The following CRISPLD2 variants were observed in gnomAD, a reference collection of about 807,000 sequenced individuals.
CRISPLD2 encodes the protein cysteine-rich secretory protein LCCL domain-containing 2.
In CRISPLD2, 47 loss-of-function variants were observed where a neutral mutation model predicts 71.1. That is an observed-to-expected ratio of 0.66 (90% CI 0.52 to 0.84). CRISPLD2 has a LOEUF of 0.84. Among genes scored for constraint, CRISPLD2 ranks in the 40% least tolerant of loss-of-function variants. CRISPLD2 has a pLI of 0.00. For missense variants in CRISPLD2, 830 were observed against 651.1 expected, an observed-to-expected ratio of 1.27 and a Z score of -2.99; for synonymous variants, 317 against 250.1, an observed-to-expected ratio of 1.27 and a Z score of -2.52.
At chr16:84,886,396 G>A (rs1195749866) in intron 13 of CRISPLD2, among the ~76,000 whole-genome samples, 4 of 152,194 alleles carry the variant, frequency 2.6e-5, no homozygotes, top group Admixed American at 6.5e-5. Flanking sequence ...TGGTAAGGAC[G>A]GGACAAAGGA....
At chr16:84,825,809 GA>G (rs1485348265) in intron 1 of CRISPLD2, among the ~76,000 whole-genome samples, 5 of 151,486 alleles carry the variant, frequency 3.3e-5, no homozygotes, top group African/African-American at 7.3e-5. Flanking sequence ...AATAAAAGAA[GA>G]AAAAAAATTA....
Position 84,850,653 on chromosome 16 carries a change from C to G in CRISPLD2, c.578C>G (p.Ala193Gly). 4 of 1,614,040 alleles carry G rather than the reference C, an allele frequency of 2.5e-6. No homozygotes were observed. Among genetic ancestry groups the G allele is most frequent in the Non-Finnish European group, 3.4e-6 (4 of 1,179,944 alleles). ...MTVWGEVWEN[A>G]VYFVCNYSPK... is the part of the protein sequence containing the mutation. ...GTCTGGGGAGAAGTTTGGGAGAACG[C>G]GGTCTACTTTGTCTGCAATTATTCT... The change falls in exon 5 of 15, where the codon GCG becomes GGG. Residue 193 changes from alanine to glycine, a missense_variant. Transcript: ENST00000262424.
chr16:84,865,127 G>A (rs908561732), intron 6 of CRISPLD2, among the ~76,000 whole-genome samples: 7 of 152,096 alleles, frequency 4.6e-5, no homozygotes, highest in Non-Finnish European at 8.8e-5. Context: ...CTAAGACTTA[G>A]GGATTGAGGA....
At chr16:84,842,935 C>T (rs549900160) in intron 2 of CRISPLD2, among the ~76,000 whole-genome samples, 3 of 152,158 alleles carry the variant, frequency 2.0e-5, no homozygotes, top group Admixed American at 6.5e-5. Flanking sequence ...TCCCGCCTCC[C>T]GGTCTGGAGC....
At chr16:84,893,843 G>A (rs1402874104) in intron 14 of CRISPLD2, among the ~76,000 whole-genome samples, 1 of 152,148 alleles carries the variant, frequency 6.6e-6, no homozygotes, top group African/African-American at 2.4e-5. Flanking sequence ...TCCCAATAGG[G>A]GCTGTGGAAA....
At chr16:84,873,144 C>G in intron 10 of CRISPLD2, 22 bp downstream of exon 10, 1 of 1,601,828 alleles carries the variant, frequency 6.2e-7, no homozygotes, top group Non-Finnish European at 8.5e-7. Flanking sequence ...GTGATCGGGG[C>G]TCTGTGAAAC....
chr16:84,872,902 G>A (rs531310661), intron 9 of CRISPLD2, 90 bp from the exon 10 acceptor site: 3 of 1,482,466 alleles, frequency 2.0e-6, no homozygotes, highest in Non-Finnish European at 2.7e-6. Context: ...GGCTTTTAGT[G>A]AGTTGAGGAC....
intron 6 of CRISPLD2, among the ~76,000 whole-genome samples, chr16:84,857,265 G>A (rs1054351266): frequency 2.0e-5 from 3 of 152,218 alleles, no homozygotes; most frequent in African/African-American, 7.2e-5. Context: ...AGAGGTGACT[G>A]AGGAAAGAGA....
intron 11 of CRISPLD2, among the ~76,000 whole-genome samples, 199 bp from the exon 12 acceptor site, chr16:84,877,239 T>C (rs901635542): frequency 2.0e-5 from 3 of 151,928 alleles, no homozygotes; most frequent in African/African-American, 7.3e-5. Context: ...CGCCAACACA[T>C]GCAGGCCGTG....
intron 9 of CRISPLD2, 62 bp downstream of exon 9, chr16:84,872,570 C>G: frequency 2.8e-6 from 4 of 1,415,464 alleles, no homozygotes; most frequent in Non-Finnish European, 3.9e-6. Context: ...ATGTTTAAAG[C>G]AGGTGGTTGG....
rs138518275 is a variant in CRISPLD2, at chr16:84,849,391, C to T, written c.366C>T (p.Arg122=). The T allele has an allele frequency of 1.1e-3, 1,770 of 1,613,082 alleles. 3 individuals carry two copies. Among genetic ancestry groups the T allele is most frequent in the Middle Eastern group, 1.3e-3 (8 of 5,958 alleles). The change falls in exon 4 of 15, where the codon CGC becomes CGT. Residue 122 remains arginine, a synonymous_variant. Coordinates refer to ENST00000262424, the MANE Select transcript of CRISPLD2 (RefSeq NM_031476.4). ...AGCGGTTTCTGCCCTGCAGGTATCG[C>T]TCTCCGGGGTTCCATGTGCAGTCCT... The part of the protein sequence containing the change: ...QNLGAHWGRY[R]SPGFHVQSWY...
In CRISPLD2 at chr16:84,850,702, G is replaced by T. The variant is rs574704065; in HGVS notation, c.608+19G>T. The T allele has an allele frequency of 5.7e-6, 9 of 1,585,252 alleles. No homozygotes were observed. The highest frequency in any genetic ancestry group is 7.8e-6 in the Non-Finnish European group (9 of 1,153,770). ...CTCCAAAGTAAGACAAGTTGATGCC[G>T]TTGTATGGGGTGGGGGTTGGGATGT... On this transcript the variant is annotated intron_variant, in intron 5 of 14. Coordinates refer to ENST00000262424, the MANE Select transcript of CRISPLD2 (RefSeq NM_031476.4).
chr16:84,884,878 G>C (rs1037857123), intron 13 of CRISPLD2, among the ~76,000 whole-genome samples: 4 of 152,242 alleles, frequency 2.6e-5, no homozygotes, highest in Admixed American at 2.0e-4. Context: ...TCAACCAGGA[G>C]GGTGCCCCTC....
intron 1 of CRISPLD2, among the ~76,000 whole-genome samples, chr16:84,822,267 C>A (rs967113368): frequency 6.6e-6 from 1 of 152,210 alleles, no homozygotes; most frequent in African/African-American, 2.4e-5. Flanking sequence ...ACTGGGAAGG[C>A]CTGAGCTAGG....
intron 12 of CRISPLD2, among the ~76,000 whole-genome samples, chr16:84,880,164 G>C (rs1470311460): frequency 6.6e-6 from 1 of 152,214 alleles, no homozygotes; most frequent in African/African-American, 2.4e-5. Context: ...TGTACCCACA[G>C]TGTGAACTAG....
chr16:84,891,421 C>T (rs1436571335), intron 14 of CRISPLD2, among the ~76,000 whole-genome samples: 3 of 152,148 alleles, frequency 2.0e-5, no homozygotes, highest in Non-Finnish European at 4.4e-5. Context: ...GGTGACTCTG[C>T]CATCGGCAGC....
intron 1 of CRISPLD2, among the ~76,000 whole-genome samples, chr16:84,828,744 C>CT (rs547238231): frequency 1.4e-4 from 21 of 151,402 alleles, no homozygotes; most frequent in East Asian, 5.8e-4. Flanking sequence ...CTTTTCAGTT[C>CT]TTTTTTTTTC....
At chr16:84,880,633 C>A in intron 13 of CRISPLD2, 49 bp downstream of exon 13, 1 of 1,431,354 alleles carries the variant, frequency 7.0e-7, no homozygotes, top group Non-Finnish European at 9.8e-7. Flanking sequence ...CTGTTAAAGA[C>A]CTCAACATGC....
chr16:84,836,918 G>A (rs776883358), intron 1 of CRISPLD2, among the ~76,000 whole-genome samples: 22 of 152,172 alleles, frequency 1.4e-4, no homozygotes, highest in Non-Finnish European at 2.2e-4. Flanking sequence ...TGCTTCTTCC[G>A]GCCCTCGAGG....
Sources: gnomAD v4.1 joint callset for allele counts (sites outside exome capture counted in the v4.1 genomes callset) on GRCh38, gnomAD v4.1.1 for gene constraint, MANE v1.5 for transcripts, NCBI Gene and HGNC (gene_info 2026-07-23, HGNC 2026-07-21) for gene names.